SLIT2: variants seen among roughly 807,000 people sequenced by gnomAD.
The protein encoded by SLIT2 is slit guidance ligand 2, also known as slit homolog 2 protein.
In SLIT2, 41 loss-of-function variants were observed where a neutral mutation model predicts 185.7. That is an observed-to-expected ratio of 0.22 (90% CI 0.17 to 0.29). SLIT2 has a LOEUF of 0.29. Among genes scored for constraint, SLIT2 ranks in the 10% least tolerant of loss-of-function variants. SLIT2 has a pLI of 1.00. For synonymous variants in SLIT2, 693 were observed against 680.2 expected, an observed-to-expected ratio of 1.02 and a Z score of -0.29; for missense variants, 1,571 against 1,909.0, an observed-to-expected ratio of 0.82 and a Z score of 3.30.
intron 5 of SLIT2, among the ~76,000 whole-genome samples, chr4:20,470,330 A>G (rs1714845678): frequency 6.6e-6 from 1 of 152,146 alleles, no homozygotes; most frequent in Non-Finnish European, 1.5e-5. Flanking sequence ...ATGGAAAAAG[A>G]AAATATAATA....
chr4:20,505,749 G>T (rs1422936132), intron 9 of SLIT2, among the ~76,000 whole-genome samples: 1 of 152,006 alleles, frequency 6.6e-6, no homozygotes, highest in East Asian at 1.9e-4. Flanking sequence ...AGGGTCTTGT[G>T]TTTTAAAGCA....
intron 4 of SLIT2, among the ~76,000 whole-genome samples, chr4:20,330,933 A>T (rs1436885156): frequency 1.3e-5 from 2 of 152,108 alleles, no homozygotes; most frequent in African/African-American, 4.8e-5. Flanking sequence ...CTTATGTTAA[A>T]ATTGGGTCTT....
chr4:20,368,381 A>G (rs924472296), intron 4 of SLIT2, among the ~76,000 whole-genome samples: 1 of 151,898 alleles, frequency 6.6e-6, no homozygotes, highest in Admixed American at 6.6e-5. Flanking sequence ...CAAAACAAAA[A>G]AAAGAGAAAG....
intron 5 of SLIT2, among the ~76,000 whole-genome samples, chr4:20,479,471 C>A (rs1320945714): frequency 6.6e-6 from 1 of 152,134 alleles, no homozygotes; most frequent in Non-Finnish European, 1.5e-5. Context: ...TACTCCTGTT[C>A]ATCCACATTC....
At chr4:20,612,976 T>C (rs1336277477) in intron 34 of SLIT2, among the ~76,000 whole-genome samples, 2 of 149,898 alleles carry the variant, frequency 1.3e-5, no homozygotes, top group African/African-American at 4.9e-5. Flanking sequence ...CCAGTGAGAA[T>C]GGCTATTATT....
intron 33 of SLIT2, among the ~76,000 whole-genome samples, chr4:20,608,703 A>G (rs1269387226): frequency 1.3e-5 from 2 of 152,174 alleles, no homozygotes; most frequent in Admixed American, 6.5e-5. Flanking sequence ...TCAGCATACA[A>G]CGGAAGATGA....
At chr4:20,498,492 C>G (rs561632391) in intron 9 of SLIT2, among the ~76,000 whole-genome samples, 1 of 152,258 alleles carries the variant, frequency 6.6e-6, no homozygotes, top group African/African-American at 2.4e-5. Context: ...TTGAGGTATA[C>G]AATTTTGAAT....
At chr4:20,501,284 TA>T (rs2148813211) in intron 9 of SLIT2, among the ~76,000 whole-genome samples, 1 of 152,258 alleles carries the variant, frequency 6.6e-6, no homozygotes, top group East Asian at 1.9e-4. Context: ...CTTCTCATGT[TA>T]ATTTTTTTTG....
intron 24 of SLIT2, among the ~76,000 whole-genome samples, chr4:20,550,156 A>G (rs889360018): frequency 3.9e-5 from 6 of 152,130 alleles, no homozygotes; most frequent in Non-Finnish European, 8.8e-5. Context: ...ATTTTTGTCC[A>G]TATGACAGAT....
chr4:20,516,857 T>C (rs1720262943), intron 11 of SLIT2, among the ~76,000 whole-genome samples: 1 of 152,212 alleles, frequency 6.6e-6, no homozygotes. Context: ...CACATAGATT[T>C]CCTGTATCCT....
chr4:20,360,663 A>G (rs895843460), intron 4 of SLIT2, among the ~76,000 whole-genome samples: 3 of 152,184 alleles, frequency 2.0e-5, no homozygotes, highest in African/African-American at 7.2e-5. Context: ...TACATAAAAA[A>G]TATATGTGAT....
chr4:20,600,548 A>G (rs1728331351), intron 33 of SLIT2, among the ~76,000 whole-genome samples: 1 of 148,578 alleles, frequency 6.7e-6, no homozygotes, highest in Non-Finnish European at 1.5e-5. Context: ...TCGGCCTCCC[A>G]AGTAGCTGGG....
intron 16 of SLIT2, 80 bp downstream of exon 16, chr4:20,529,179 T>C (rs1721566196): frequency 1.9e-6 from 2 of 1,062,780 alleles, no homozygotes; most frequent in Non-Finnish European, 1.3e-6. Context: ...TGTCTTGCCA[T>C]TTTTATTATT....
intron 11 of SLIT2, 69 bp downstream of exon 11, chr4:20,511,206 G>A (rs1006169873): frequency 3.7e-5 from 33 of 880,040 alleles, no homozygotes; most frequent in Non-Finnish European, 5.5e-5. Context: ...TTTTTAAATT[G>A]GGGTTTAAAA....
intron 4 of SLIT2, among the ~76,000 whole-genome samples, chr4:20,339,108 A>G (rs540359089): frequency 5.3e-5 from 8 of 151,656 alleles, no homozygotes; most frequent in Middle Eastern, 3.4e-3. Flanking sequence ...AAAAAAAAAA[A>G]AAAAGAAAGA....
chr4:20,379,425 C>G (rs995200643), intron 4 of SLIT2, among the ~76,000 whole-genome samples: 32 of 152,056 alleles, frequency 2.1e-4, no homozygotes, highest in African/African-American at 7.2e-4. Flanking sequence ...GTCGCCTTAT[C>G]CAACTATTAA....
intron 4 of SLIT2, among the ~76,000 whole-genome samples, chr4:20,404,732 T>C (rs1361549915): frequency 2.0e-5 from 3 of 152,030 alleles, no homozygotes; most frequent in Non-Finnish European, 4.4e-5. Context: ...CATTTCTGTA[T>C]AGTTATAAAA....
At chr4:20,522,625 G>A (rs1311689507) in intron 12 of SLIT2, among the ~76,000 whole-genome samples, 1 of 152,100 alleles carries the variant, frequency 6.6e-6, no homozygotes, top group African/African-American at 2.4e-5. Context: ...CACCGAGAAT[G>A]ATGTTTGCCA....
chr4:20,419,523 T>G (rs1169347111), intron 4 of SLIT2, among the ~76,000 whole-genome samples: 1 of 152,162 alleles, frequency 6.6e-6, no homozygotes, highest in Admixed American at 6.5e-5. Flanking sequence ...TGGAATACAC[T>G]GGACTCCAAC....
Sources: allele counts gnomAD v4.1 joint callset (sites outside exome capture counted in the v4.1 genomes callset), GRCh38; gene constraint gnomAD v4.1.1; transcripts MANE v1.5; gene names NCBI Gene and HGNC (gene_info 2026-07-23, HGNC 2026-07-21).